The following DAPK1 variants were observed in gnomAD, a reference collection of about 807,000 sequenced individuals.
DAPK1 encodes death-associated protein kinase 1.
In DAPK1, 56 loss-of-function variants were observed where a neutral mutation model predicts 144.9. The ratio of observed to expected loss-of-function variants is 0.39; its 90% CI spans 0.31 to 0.48. The LOEUF (loss-of-function observed/expected upper bound fraction) is 0.48, where lower values mean the gene tolerates loss of function less well. DAPK1 is among the 20% of genes least tolerant of loss of function. DAPK1 has a pLI of 0.95. For missense variants in DAPK1, 1,454 were observed against 1,875.4 expected, an observed-to-expected ratio of 0.78 and a Z score of 4.15; for synonymous variants, 690 against 749.0, an observed-to-expected ratio of 0.92 and a Z score of 1.29.
intron 2 of DAPK1, among the ~76,000 whole-genome samples, chr9:87,566,619 G>T (rs79561022): frequency 2.0e-5 from 3 of 152,200 alleles, no homozygotes; most frequent in Non-Finnish European, 2.9e-5. Context: ...AATCAATTTT[G>T]TAAGTAGTGA....
chr9:87,628,556 G>A (rs530061717), intron 3 of DAPK1, among the ~76,000 whole-genome samples: 6 of 152,152 alleles, frequency 3.9e-5, no homozygotes, highest in Non-Finnish European at 8.8e-5. Context: ...AATGTGAGAG[G>A]TGAGCGTGTG....
At chr9:87,633,857 A>G (rs1829795244) in intron 3 of DAPK1, among the ~76,000 whole-genome samples, 1 of 152,238 alleles carries the variant, frequency 6.6e-6, no homozygotes, top group Admixed American at 6.5e-5. Flanking sequence ...CCTGGGAAGC[A>G]GACTCTGAGA....
At chr9:87,624,591 G>A (rs558731320) in intron 3 of DAPK1, among the ~76,000 whole-genome samples, 10 of 152,292 alleles carry the variant, frequency 6.6e-5, no homozygotes, top group African/African-American at 2.2e-4. Flanking sequence ...CAGAGGTGCA[G>A]AAAGGTTAAG....
chr9:87,539,134 T>G (rs2118446468), intron 2 of DAPK1, among the ~76,000 whole-genome samples: 1 of 151,730 alleles, frequency 6.6e-6, no homozygotes, highest in African/African-American at 2.4e-5. Flanking sequence ...AACATATGGA[T>G]GCTACATATA....
In DAPK1 at chr9:87,668,599, C is replaced by A; in HGVS notation, c.1926C>A (p.Asp642Glu). 1.4e-6 allele frequency: 2 copies of A among 1,384,934 alleles called. No individual in the cohort carries two copies. The highest frequency in any genetic ancestry group is 1.4e-5 in the African/African-American group (1 of 70,744). The allele number at this position is 1,384,934 out of a possible 1,614,324, so 85.8% of individuals were successfully genotyped here. A position where few individuals can be genotyped will look rare whatever the true frequency, so the allele number is the denominator to read the frequency against. Reference protein sequence around the residue: ...MGASVEALTTDGKTAEDLARS... With the variant: ...MGASVEALTTEGKTAEDLARS... ...ACTAATGCATTTTTCTCCAACAGGA[C>A]GGAAAGACGGCAGAAGATCTTGCTA... The change falls in exon 19 of 26, where the codon GAC (aspartate) becomes GAA (glutamate). Residue 642 changes from aspartate to glutamate, a missense_variant and splice_region_variant. Transcript: ENST00000408954.
At chr9:87,601,215 C>T (rs1248850167) in intron 2 of DAPK1, among the ~76,000 whole-genome samples, 1 of 152,214 alleles carries the variant, frequency 6.6e-6, no homozygotes, top group Non-Finnish European at 1.5e-5. Context: ...AAGAATTGCT[C>T]CTCCAGGAGT....
At chr9:87,543,969 G>A (rs1430903766) in intron 2 of DAPK1, among the ~76,000 whole-genome samples, 1 of 152,094 alleles carries the variant, frequency 6.6e-6, no homozygotes, top group African/African-American at 2.4e-5. Flanking sequence ...GGTAGAAATT[G>A]TAAATATATA....
intron 13 of DAPK1, 28 bp from the exon 14 acceptor site, chr9:87,647,277 A>G: frequency 2.5e-6 from 4 of 1,592,222 alleles, no homozygotes; most frequent in Non-Finnish European, 3.4e-6. Flanking sequence ...CTCCCTAGAA[A>G]TGTGACCCCA....
At position 87,498,978 on chromosome 9, in the gene DAPK1, A is replaced by G; in HGVS notation, c.-100A>G. ...TTTTTTTTCTTCAAAAGGACTGGAG[A>G]CTGATGCATGAGGGGGCTACGGAGG... is the stretch of plus-strand genomic sequence containing the variant. On this transcript the variant is annotated 5_prime_UTR_variant, in exon 2 of 26. Coordinates refer to ENST00000408954, the MANE Select transcript of DAPK1 (RefSeq NM_004938.4). The G allele has an allele frequency of 1.1e-6, 1 of 877,074 alleles. No homozygotes were observed. Among genetic ancestry groups the G allele is most frequent in the Non-Finnish European group, 1.9e-6 (1 of 521,618 alleles). 54.3% of individuals were successfully genotyped at this position (877,074 alleles called of 1,614,324 possible). A position where few individuals can be genotyped will look rare whatever the true frequency, so the allele number is the denominator to read the frequency against.
chr9:87,603,564 T>G (rs1319572311), intron 2 of DAPK1, among the ~76,000 whole-genome samples: 1 of 152,264 alleles, frequency 6.6e-6, no homozygotes, highest in East Asian at 1.9e-4. Flanking sequence ...GTATCCATTC[T>G]TTAACATCAA....
At chr9:87,643,865 A>G (rs545161430) in intron 11 of DAPK1, among the ~76,000 whole-genome samples, 7 of 152,182 alleles carry the variant, frequency 4.6e-5, no homozygotes, top group African/African-American at 7.2e-5. Flanking sequence ...CCTAATTTTC[A>G]TGAACTGTAG....
intron 2 of DAPK1, among the ~76,000 whole-genome samples, chr9:87,539,020 ATT>A (rs961691781): frequency 1.3e-5 from 2 of 150,406 alleles, no homozygotes; most frequent in Admixed American, 1.3e-4. Flanking sequence ...AAAATATAAA[ATT>A]AAATTAAAAC....
In DAPK1 at chr9:87,706,296, C is replaced by A; in HGVS notation, c.3225C>A (p.Asp1075Glu). The A allele has an allele frequency of 6.2e-7, 1 of 1,611,856 alleles. No homozygotes were observed. The highest frequency in any genetic ancestry group is 1.7e-5 in the Admixed American group (1 of 59,704). ...TVEDIQRLVP[D>E]SDVEELLQIL... ...AGGACATCCAGCGCCTGGTGCCCGA[C>A]AGCGACGTGGAGGAGCTGCTGCAGA... is the stretch of plus-strand genomic sequence containing the variant. The change falls in exon 26 of 26, where the codon GAC becomes GAA. Residue 1075 changes from aspartate (D) to glutamate (E), a missense_variant. Physicochemically the swap from Asp to Glu is conservative, Grantham distance 45. This residue lies in a region of DAPK1 where 1,025 missense variants were observed against 1,237.9 expected (regional missense o/e 0.83). Coordinates refer to ENST00000408954, the MANE Select transcript of DAPK1 (RefSeq NM_004938.4). The surrounding 1 kb of genome is among the most constrained non-coding windows in gnomAD (Gnocchi z 9.0).
chr9:87,685,560 C>T (rs544441218), intron 20 of DAPK1, among the ~76,000 whole-genome samples: 2 of 152,140 alleles, frequency 1.3e-5, no homozygotes, highest in African/African-American at 4.8e-5. Context: ...ACAGCCCTGA[C>T]CAGAAAGGCA....
chr9:87,509,624 T>A (rs1191718532), intron 2 of DAPK1, among the ~76,000 whole-genome samples: 1 of 152,224 alleles, frequency 6.6e-6, no homozygotes, highest in Non-Finnish European at 1.5e-5. Flanking sequence ...CCCCCCACAA[T>A]GCTGGGATTA....
chr9:87,538,085 A>G (rs569413419), intron 2 of DAPK1, among the ~76,000 whole-genome samples: 29 of 152,348 alleles, frequency 1.9e-4, no homozygotes, highest in Admixed American at 5.2e-4. Flanking sequence ...TAAAGCTACA[A>G]TCTCAATGTC....
intron 2 of DAPK1, among the ~76,000 whole-genome samples, chr9:87,528,148 C>T (rs1366095832): frequency 1.3e-5 from 2 of 152,090 alleles, no homozygotes; most frequent in Non-Finnish European, 2.9e-5. Context: ...AGAACTTGAG[C>T]GTGCGTAAGC....
intron 21 of DAPK1, among the ~76,000 whole-genome samples, chr9:87,689,510 T>A (rs1166603702): frequency 1.3e-5 from 2 of 152,224 alleles, no homozygotes; most frequent in African/African-American, 4.8e-5. Context: ...GCAAAAACTG[T>A]TTAGTTTAAT....
chr9:87,637,955 C>G lies in DAPK1; in HGVS notation c.297C>G (p.Gly99=). Reference sequence around the variant, plus strand: ...TCCGGGTTCTCAGCGTTGCAGGTGGCGAGCTGTTTGACTTCTTAGCTGAAA... The same window carrying G: ...TCCGGGTTCTCAGCGTTGCAGGTGGGGAGCTGTTTGACTTCTTAGCTGAAA... ...VILILELVAG[G]ELFDFLAEKE... is the part of the protein sequence containing the mutation. Residue 99 remains glycine, a synonymous_variant, in exon 4 of 26, where the codon GGC becomes GGG. Transcript: ENST00000408954. 1 of 1,613,680 alleles carries G rather than the reference C, an allele frequency of 6.2e-7. No homozygotes were observed. Among genetic ancestry groups the G allele is most frequent in the South Asian group, 1.1e-5 (1 of 91,038 alleles).
Sources: gnomAD v4.1 joint callset for allele counts (sites outside exome capture counted in the v4.1 genomes callset) on GRCh38, gnomAD v4.1.1 for gene constraint, gnomAD v4.1.1 regional missense constraint, Gnocchi (gnomAD v3.1) non-coding constraint, MANE v1.5 for transcripts, NCBI Gene and HGNC (gene_info 2026-07-23, HGNC 2026-07-21) for gene names.